The following ATXN1 variants were observed in gnomAD, a reference collection of about 807,000 sequenced individuals.
The protein encoded by ATXN1 is ataxin 1.
Under a neutral mutation model 56.4 loss-of-function variants are expected in ATXN1, and 8 were observed. The observed-to-expected ratio is 0.14, with a 90% CI of 0.08 to 0.26. The LOEUF is 0.26. ATXN1 is among the 10% of genes least tolerant of loss of function. The pLI is 1.00. For missense variants in ATXN1, 987 were observed against 1,106.5 expected (o/e 0.89, Z 1.53); for synonymous variants, 514 against 494.6 (o/e 1.04, Z -0.52).
chr6:16,630,982 C>T (rs1238850112), intron 3 of ATXN1, among the ~76,000 whole-genome samples: 1 of 152,138 alleles, frequency 6.6e-6, no homozygotes. Context: ...ATGAAGGACC[C>T]TTTCATTGGT....
intron 4 of ATXN1, among the ~76,000 whole-genome samples, chr6:16,555,508 A>G (rs1315719739): frequency 6.6e-6 from 1 of 152,052 alleles, no homozygotes; most frequent in African/African-American, 2.4e-5. Context: ...ACTAAGGCAG[A>G]CTCGCCTAAG....
At position 16,506,434 on chromosome 6, in the gene ATXN1, G is replaced by C. The variant is rs1407125779; in HGVS notation, c.-299+16193C>G. ...CCCTTTTAAAATTTCCAGAAAATAA[G>C]ACATTCTGATGGAGATCAGGCCACA... On this transcript the variant is annotated intron_variant, in intron 5 of 7. Coordinates refer to ENST00000436367, the MANE Select transcript of ATXN1 (RefSeq NM_001128164.2). This position sits in a 1 kb window ranked among gnomAD's most constrained non-coding sequence, Gnocchi z 4.1. Among the ~76,000 whole-genome samples, 2 of 152,096 alleles carry C rather than the reference G, an allele frequency of 1.3e-5. No homozygotes were observed. Among genetic ancestry groups the C allele is most frequent in the African/African-American group, 4.8e-5 (2 of 41,412 alleles).
At chr6:16,402,139 A>C (rs1758586875) in intron 6 of ATXN1, among the ~76,000 whole-genome samples, 1 of 151,284 alleles carries the variant, frequency 6.6e-6, no homozygotes, top group Non-Finnish European at 1.5e-5. Flanking sequence ...CCTCCCACAC[A>C]CATGGGAGGT....
intron 2 of ATXN1, among the ~76,000 whole-genome samples, chr6:16,736,427 A>C (rs1183149523): frequency 6.6e-6 from 1 of 152,238 alleles, no homozygotes; most frequent in African/African-American, 2.4e-5. Context: ...AATCAACCTT[A>C]AAATAAAGAG....
intron 3 of ATXN1, among the ~76,000 whole-genome samples, chr6:16,604,509 A>G (rs1012833146): frequency 6.6e-6 from 1 of 151,996 alleles, no homozygotes; most frequent in Non-Finnish European, 1.5e-5. Flanking sequence ...TAAAAAAAAG[A>G]AAACAAAATT....
intron 6 of ATXN1, among the ~76,000 whole-genome samples, chr6:16,395,875 C>T (rs1758446049): frequency 6.6e-6 from 1 of 152,020 alleles, no homozygotes; most frequent in Admixed American, 6.5e-5. Flanking sequence ...ATTAGCTGGG[C>T]ATAGTGGCAC....
chr6:16,589,467 C>T (rs954226854), intron 3 of ATXN1, among the ~76,000 whole-genome samples: 1 of 151,350 alleles, frequency 6.6e-6, no homozygotes, highest in African/African-American at 2.4e-5. Flanking sequence ...ATATACATCA[C>T]ACACATACAC....
intron 2 of ATXN1, among the ~76,000 whole-genome samples, chr6:16,681,873 A>G (rs943119518): frequency 6.6e-6 from 1 of 152,226 alleles, no homozygotes; most frequent in African/African-American, 2.4e-5. Flanking sequence ...TTAAATGCCA[A>G]ATAAAATATA....
intron 5 of ATXN1, among the ~76,000 whole-genome samples, chr6:16,519,201 C>A (rs1482082262): frequency 6.6e-6 from 1 of 152,028 alleles, no homozygotes; most frequent in Non-Finnish European, 1.5e-5. Flanking sequence ...AGGGCTTAGC[C>A]TCGACCTAGA....
intron 6 of ATXN1, among the ~76,000 whole-genome samples, chr6:16,388,806 C>T (rs773522370): frequency 6.6e-6 from 1 of 152,152 alleles, no homozygotes; most frequent in Non-Finnish European, 1.5e-5. Flanking sequence ...GTCTCTGCAT[C>T]CTACAGTCTG....
At chr6:16,747,318 C>A (rs1561836288) in intron 2 of ATXN1, among the ~76,000 whole-genome samples, 1 of 152,120 alleles carries the variant, frequency 6.6e-6, no homozygotes, top group Non-Finnish European at 1.5e-5. Flanking sequence ...ATCCCCCAGG[C>A]CTACAGTGGA....
intron 4 of ATXN1, among the ~76,000 whole-genome samples, chr6:16,532,416 T>C (rs533421922): frequency 1.3e-5 from 2 of 152,274 alleles, no homozygotes; most frequent in East Asian, 3.9e-4. Flanking sequence ...GCATTACATA[T>C]GTGCAAAGGG....
chr6:16,632,518 C>T lies in ATXN1; in HGVS notation c.-489+25258G>A, dbSNP rs373184440. 5.9e-5 allele frequency among the ~76,000 whole-genome samples: 9 copies of T among 152,302 alleles called. No homozygotes were observed. The South Asian group carries it at 1.0e-3, about 18-fold the overall frequency. On this transcript the variant is annotated intron_variant, in intron 3 of 7. Coordinates refer to ENST00000436367, the MANE Select transcript of ATXN1 (RefSeq NM_001128164.2). ...TGTCAATGACCCAGAATCACTTAAG[C>T]CCCGAGGGGGCCATGCCACCAGCAC...
chr6:16,357,215 T>A (rs1045998747), intron 6 of ATXN1, among the ~76,000 whole-genome samples: 1 of 150,530 alleles, frequency 6.6e-6, no homozygotes, highest in Non-Finnish European at 1.5e-5. Flanking sequence ...GAGACATTTT[T>A]ATTTTTATTT....
At chr6:16,533,286 G>C (rs1335326721) in intron 4 of ATXN1, among the ~76,000 whole-genome samples, 1 of 152,210 alleles carries the variant, frequency 6.6e-6, no homozygotes, top group Non-Finnish European at 1.5e-5. Context: ...CAGGTGATCT[G>C]TTTGGATCAA....
chr6:16,585,364 G>A (rs1488285123), intron 4 of ATXN1, among the ~76,000 whole-genome samples: 1 of 152,094 alleles, frequency 6.6e-6, no homozygotes, highest in Non-Finnish European at 1.5e-5. Flanking sequence ...TAACTATACG[G>A]TAGAAAAATA....
intron 3 of ATXN1, among the ~76,000 whole-genome samples, chr6:16,602,220 T>C (rs532091642): frequency 9.2e-5 from 14 of 152,186 alleles, no homozygotes; most frequent in African/African-American, 2.4e-4. Context: ...TGCCTCCCCA[T>C]TGGGCCCCAG....
intron 4 of ATXN1, among the ~76,000 whole-genome samples, chr6:16,583,265 T>C (rs1387109974): frequency 1.3e-4 from 20 of 152,214 alleles, no homozygotes; most frequent in Admixed American, 1.2e-3. Flanking sequence ...CACAAGCTCA[T>C]AGCAGGGTAA....
intron 7 of ATXN1, among the ~76,000 whole-genome samples, chr6:16,320,851 C>T (rs1322422033): frequency 5.3e-5 from 8 of 152,200 alleles, no homozygotes; most frequent in South Asian, 2.1e-4. Context: ...GAAGGGTGCT[C>T]GCCTCGGCCA....
Sources: gnomAD v4.1 joint callset for allele counts (sites outside exome capture counted in the v4.1 genomes callset) on GRCh38, gnomAD v4.1.1 for gene constraint, Gnocchi (gnomAD v3.1) non-coding constraint, MANE v1.5 for transcripts, NCBI Gene and HGNC (gene_info 2026-07-23, HGNC 2026-07-21) for gene names.